Variants in C2CD4C observed in about 807,000 individuals in gnomAD.
C2CD4C encodes the protein C2 calcium-dependent domain-containing protein 4C.
Under a neutral mutation model 4.1 loss-of-function variants are expected in C2CD4C, and 3 were observed. The ratio of observed to expected loss-of-function variants is 0.73; its 90% CI spans 0.33 to 1.88. The LOEUF (loss-of-function observed/expected upper bound fraction) is 1.88. C2CD4C is among the 40% of genes most tolerant of loss of function. The probability of loss-of-function intolerance (pLI) is 0.08; values close to 1 mark genes in which losing one functional copy is unlikely to be tolerated. For synonymous variants in C2CD4C, 364 were observed against 290.4 expected, an observed-to-expected ratio of 1.25 and a Z score of -2.57; for missense variants, 664 against 621.5, an observed-to-expected ratio of 1.07 and a Z score of -0.73.
Position 406,985 on chromosome 19 carries a change from T to TACCCCCCCCCCCCCCCCCCCAACC in C2CD4C, c.*110_*111insGGTTGGGGGGGGGGGGGGGGGGGT. ...CCAGCCCAGCCTGAGTGTGAGCCCC[T>TACCCCCCCCCCCCCCCCCCCAACC]CCCCGGCCAGCCCCAGCCCAAGCCA... is the stretch of plus-strand genomic sequence containing the variant. On this transcript the variant is annotated 3_prime_UTR_variant, in exon 2 of 2. Coordinates refer to ENST00000332235, the MANE Select transcript of C2CD4C (RefSeq NM_001136263.2). 1 of 616,498 alleles carries TACCCCCCCCCCCCCCCCCCCAACC rather than the reference T, an allele frequency of 1.6e-6. No homozygotes were observed. 38.2% of individuals were successfully genotyped at this position (616,498 alleles called of 1,614,324 possible). A position where few individuals can be genotyped will look rare whatever the true frequency, so the allele number is the denominator to read the frequency against.
rs920539801 is a variant in C2CD4C at position 406,640 on chromosome 19, G to C, written c.*456C>G. 2 of 155,388 alleles carry C rather than the reference G, an allele frequency of 1.3e-5. No individual in the cohort carries two copies. The highest frequency in any genetic ancestry group is 2.4e-5 in the African/African-American group (1 of 41,522). 9.6% of individuals were successfully genotyped at this position (155,388 alleles called of 1,614,324 possible). Reference sequence around the variant, plus strand: ...TGGGAACTGGATGGCGGCAGGCTGTGGGGGAGGAAGACACACGTGCAGTGA... The same window carrying C: ...TGGGAACTGGATGGCGGCAGGCTGTCGGGGAGGAAGACACACGTGCAGTGA... On this transcript the variant is annotated 3_prime_UTR_variant, in exon 2 of 2. Transcript: ENST00000332235.
Position 405,951 on chromosome 19 carries a change from A to G in C2CD4C, c.*1145T>C, listed in dbSNP as rs1973977025. ...TCCTCCGTGCCCACCAGCAGCCGGG[A>G]GAGGCGAAGGCACTGGCCTGGCCTG... On this transcript the variant is annotated 3_prime_UTR_variant, in exon 2 of 2. Coordinates refer to ENST00000332235, the MANE Select transcript of C2CD4C (RefSeq NM_001136263.2). 1.3e-5 allele frequency: 2 copies of G among 152,062 alleles called. No homozygotes were observed. The highest frequency in any genetic ancestry group is 4.8e-5 in the African/African-American group (2 of 41,362). 9.4% of individuals were successfully genotyped at this position (152,062 alleles called of 1,614,324 possible).
chr19:408,268 C>G lies in C2CD4C; in HGVS notation c.94G>C (p.Ala32Pro). The G allele has an allele frequency of 6.6e-7, 1 of 1,510,146 alleles. No homozygotes were observed. Among genetic ancestry groups the G allele is most frequent in the African/African-American group, 1.4e-5 (1 of 70,440 alleles). 93.5% of individuals were successfully genotyped at this position (1,510,146 alleles called of 1,614,324 possible). A position where few individuals can be genotyped will look rare whatever the true frequency, so the allele number is the denominator to read the frequency against. ...RGVGSEAGDK[A>P]SKGPLYSNVL... ...TTGCTGTACAGGGGCCCCTTGGAGG[C>G]CTTGTCCCCCGCCTCACTCCCCACG... Residue 32 changes from alanine to proline, a missense_variant, in exon 2 of 2, where the codon GCC becomes CCC. Coordinates refer to ENST00000332235, the MANE Select transcript of C2CD4C (RefSeq NM_001136263.2).
In C2CD4C at chr19:408,252, AG is replaced by A; in HGVS notation, c.109del (p.Leu37CysfsTer6). 1 of 1,503,638 alleles carries A rather than the reference AG, an allele frequency of 6.7e-7. No individual in the cohort carries two copies. The highest frequency in any genetic ancestry group is 8.9e-7 in the Non-Finnish European group (1 of 1,128,918). 93.1% of individuals were successfully genotyped at this position (1,503,638 alleles called of 1,614,324 possible). A position where few individuals can be genotyped will look rare whatever the true frequency, so the allele number is the denominator to read the frequency against. On this transcript the variant is annotated frameshift_variant, in exon 2 of 2. Coordinates refer to ENST00000332235, the MANE Select transcript of C2CD4C (RefSeq NM_001136263.2). LOFTEE classifies it low-confidence loss of function (END_TRUNC). ...GTCGGGCGTCAACACATTGCTGTAC[AG>A]GGGCCCCTTGGAGGCCTTGTCCCCC... Reference protein sequence around the residue: ...EAGDKASKGPLYSNVLTPDKI... With the variant: ...EAGDKASKGPXYSNVLTPDKI...
At position 407,047 on chromosome 19, in the gene C2CD4C, AC is replaced by A; in HGVS notation, c.*48del. ...CGCCAGCACCCGGTGTGGAGGAGAG[AC>A]CGGGGTCTGCCCTCTGCACCCGAGC... is the stretch of plus-strand genomic sequence containing the variant. On this transcript the variant is annotated 3_prime_UTR_variant, in exon 2 of 2. Coordinates refer to ENST00000332235, the MANE Select transcript of C2CD4C (RefSeq NM_001136263.2). The A allele has an allele frequency of 6.9e-7, 1 of 1,440,006 alleles. No homozygotes were observed. The highest frequency in any genetic ancestry group is 9.2e-7 in the Non-Finnish European group (1 of 1,086,740). The allele number at this position is 1,440,006 out of a possible 1,614,324, so 89.2% of individuals were successfully genotyped here.
chr19:407,614 C>T lies in C2CD4C; in HGVS notation c.748G>A (p.Val250Met). ...CCCACGGAGTGCCGGAGCTGGCTCA[C>T]CTTGGCCTGGCTGTCCTGGGCGAAA... ...KGFAQDSQAK[V>M]SQLRHSVGRH... Residue 250 changes from valine to methionine, a missense_variant, in exon 2 of 2, where the codon GTG becomes ATG. Val to Met is a conservative substitution (Grantham distance 21). Coordinates refer to ENST00000332235, the MANE Select transcript of C2CD4C (RefSeq NM_001136263.2). The T allele has an allele frequency of 6.9e-7, 1 of 1,453,866 alleles. No homozygotes were observed. The highest frequency in any genetic ancestry group is 1.4e-5 in the South Asian group (1 of 70,150). The allele number at this position is 1,453,866 out of a possible 1,614,324, so 90.1% of individuals were successfully genotyped here. A position where few individuals can be genotyped will look rare whatever the true frequency, so the allele number is the denominator to read the frequency against.
Position 408,086 on chromosome 19 carries a change from C to G in C2CD4C, c.276G>C (p.Leu92=), listed in dbSNP as rs996460776. The part of the protein sequence containing the change: ...APRQTPRSPR[L]PAKLAAESKS... ...TGCTCTCGGCTGCCAGCTTGGCAGGCAGCCGGGGGCTCCGTGGGGTCTGGC... is the reference window on the plus strand; with the variant it reads ...TGCTCTCGGCTGCCAGCTTGGCAGGGAGCCGGGGGCTCCGTGGGGTCTGGC... The change falls in exon 2 of 2, where the codon CTG becomes CTC. Residue 92 remains leucine (L), a synonymous_variant. Transcript: ENST00000332235. 6.7e-7 allele frequency: 1 copy of G among 1,495,982 alleles called. No individual in the cohort carries two copies. Among genetic ancestry groups the G allele is most frequent in the Non-Finnish European group, 8.9e-7 (1 of 1,125,290 alleles). 92.7% of individuals were successfully genotyped at this position (1,495,982 alleles called of 1,614,324 possible).
At position 407,970 on chromosome 19, in the gene C2CD4C, TG is replaced by T; in HGVS notation, c.391del (p.Gln131ArgfsTer75). ...GGGCAGGGACATGGCACCCTGGGCC[TG>T]GGGGTCGGCGTCAGTGGCCTCCTCG... ...LSEEATDADP[Q>X]AQGAMSLPSV... On this transcript the variant is annotated frameshift_variant, in exon 2 of 2. Coordinates refer to ENST00000332235, the MANE Select transcript of C2CD4C (RefSeq NM_001136263.2). LOFTEE classifies it low-confidence loss of function (END_TRUNC). The T allele has an allele frequency of 1.3e-6, 2 of 1,549,120 alleles. No individual in the cohort carries two copies. Among genetic ancestry groups the T allele is most frequent in the Non-Finnish European group, 8.7e-7 (1 of 1,146,476 alleles).
chr19:408,522 C>T (rs1974037497), intron 1 of C2CD4C, 121 bp from the exon 2 acceptor site: 1 of 626,342 alleles, frequency 1.6e-6, no homozygotes, highest in Admixed American at 3.5e-5. Flanking sequence ...GAGGGGTCCC[C>T]TGGGGGCGTC....
rs1974021154 is a variant in C2CD4C at position 407,975 on chromosome 19, G to A, written c.387C>T (p.Asp129=). The A allele has an allele frequency of 1.9e-6, 3 of 1,549,150 alleles. No individual in the cohort carries two copies. Among genetic ancestry groups the A allele is most frequent in the Non-Finnish European group, 2.6e-6 (3 of 1,146,514 alleles). ...GGGACATGGCACCCTGGGCCTGGGGGTCGGCGTCAGTGGCCTCCTCGGACA... is the reference window on the plus strand; with the variant it reads ...GGGACATGGCACCCTGGGCCTGGGGATCGGCGTCAGTGGCCTCCTCGGACA... ...DWLSEEATDA[D]PQAQGAMSLP... The change falls in exon 2 of 2, where the codon GAC becomes GAT. Residue 129 remains aspartate, a synonymous_variant. Transcript: ENST00000332235.
At position 407,549 on chromosome 19, in the gene C2CD4C, G is replaced by A. The variant is rs1739886260; in HGVS notation, c.813C>T (p.Asp271=). 3.6e-6 allele frequency: 5 copies of A among 1,397,828 alleles called. No homozygotes were observed. The South Asian group carries it at 4.9e-5, about 14-fold the overall frequency. 86.6% of individuals were successfully genotyped at this position (1,397,828 alleles called of 1,614,324 possible). A position where few individuals can be genotyped will look rare whatever the true frequency, so the allele number is the denominator to read the frequency against. ...GSLSADDSTP[D]ASPGSRRRLT... is the part of the protein sequence containing the mutation. Reference sequence around the variant, plus strand: ...GGCGGCGCCGGCTCCCGGGGCTGGCGTCCGGGGTGCTGTCGTCCGCAGACA... The same window carrying A: ...GGCGGCGCCGGCTCCCGGGGCTGGCATCCGGGGTGCTGTCGTCCGCAGACA... Residue 271 remains aspartate, a synonymous_variant, in exon 2 of 2, where the codon GAC becomes GAT. Coordinates refer to ENST00000332235, the MANE Select transcript of C2CD4C (RefSeq NM_001136263.2).
chr19:407,882 C>T lies in C2CD4C; in HGVS notation c.480G>A (p.Arg160=). Residue 160 remains arginine, a synonymous_variant, in exon 2 of 2, where the codon AGG becomes AGA. Coordinates refer to ENST00000332235, the MANE Select transcript of C2CD4C (RefSeq NM_001136263.2). The part of the protein sequence containing the change: ...FAMLAESPHT[R]RKESLFHSEH... ...CACTGTGGAACAGAGACTCCTTGCGCCTCGTGTGGGGGCTCTCAGCCAGCA... is the reference window on the plus strand; with the variant it reads ...CACTGTGGAACAGAGACTCCTTGCGTCTCGTGTGGGGGCTCTCAGCCAGCA... 6.5e-7 allele frequency: 1 copy of T among 1,549,268 alleles called. No homozygotes were observed. Among genetic ancestry groups the T allele is most frequent in the East Asian group, 2.4e-5 (1 of 40,888 alleles).
chr19:406,983 C>CCAACCCCCCCCCCCCCCCCCCCAA lies in C2CD4C; in HGVS notation c.*112_*113insTTGGGGGGGGGGGGGGGGGGGTTG. On this transcript the variant is annotated 3_prime_UTR_variant, in exon 2 of 2. Transcript: ENST00000332235. ...GCCCAGCCCAGCCTGAGTGTGAGCC[C>CCAACCCCCCCCCCCCCCCCCCCAA]CTCCCCGGCCAGCCCCAGCCCAAGC... The CCAACCCCCCCCCCCCCCCCCCCAA allele has an allele frequency of 1.5e-6, 1 of 658,476 alleles. No individual in the cohort carries two copies. Among genetic ancestry groups the CCAACCCCCCCCCCCCCCCCCCCAA allele is most frequent in the Non-Finnish European group, 2.4e-6 (1 of 415,874 alleles). 40.8% of individuals were successfully genotyped at this position (658,476 alleles called of 1,614,324 possible).
In C2CD4C at chr19:407,551, C is replaced by G; in HGVS notation, c.811G>C (p.Asp271His). 1 of 1,400,156 alleles carries G rather than the reference C, an allele frequency of 7.1e-7. No homozygotes were observed. The highest frequency in any genetic ancestry group is 9.3e-7 in the Non-Finnish European group (1 of 1,077,936). The allele number at this position is 1,400,156 out of a possible 1,614,324, so 86.7% of individuals were successfully genotyped here. The change falls in exon 2 of 2, where the codon GAC becomes CAC. Residue 271 changes from aspartate to histidine, a missense_variant. Asp to His is a moderately conservative substitution (Grantham distance 81, BLOSUM62 -1). Coordinates refer to ENST00000332235, the MANE Select transcript of C2CD4C (RefSeq NM_001136263.2). The part of the protein sequence containing the change: ...GSLSADDSTP[D>H]ASPGSRRRLT... ...CGGCGCCGGCTCCCGGGGCTGGCGT[C>G]CGGGGTGCTGTCGTCCGCAGACAGG...
Position 407,420 on chromosome 19 carries a change from C to G in C2CD4C, c.942G>C (p.Glu314Asp). ...GPRGSVRLLA[E>D]YEAGQARLRV... ...GCAGGCGGGCCTGGCCGGCCTCGTA[C>G]TCGGCCAGCAGCCGCACGCTGCCCC... Residue 314 changes from glutamate to aspartate, a missense_variant, in exon 2 of 2, where the codon GAG (glutamate) becomes GAC (aspartate). Physicochemically the swap from Glu to Asp is conservative, Grantham distance 45. Transcript: ENST00000332235. 6.6e-7 allele frequency: 1 copy of G among 1,522,002 alleles called. No individual in the cohort carries two copies. The highest frequency in any genetic ancestry group is 8.8e-7 in the Non-Finnish European group (1 of 1,139,782). The allele number at this position is 1,522,002 out of a possible 1,614,324, so 94.3% of individuals were successfully genotyped here.
Position 407,552 on chromosome 19 carries a change from CG to C in C2CD4C, c.809del (p.Pro270ArgfsTer11). ...GGCGCCGGCTCCCGGGGCTGGCGTC[CG>C]GGGTGCTGTCGTCCGCAGACAGGGA... ...HGSLSADDSTPDASPGSRRRL... is the reference protein window; with the variant it reads ...HGSLSADDSTXDASPGSRRRL... On this transcript the variant is annotated frameshift_variant, in exon 2 of 2. Transcript: ENST00000332235. LOFTEE classifies it low-confidence loss of function (END_TRUNC). The C allele has an allele frequency of 7.1e-7, 1 of 1,399,860 alleles. No homozygotes were observed. The highest frequency in any genetic ancestry group is 1.6e-5 in the South Asian group (1 of 61,890). The allele number at this position is 1,399,860 out of a possible 1,614,324, so 86.7% of individuals were successfully genotyped here. A position where few individuals can be genotyped will look rare whatever the true frequency, so the allele number is the denominator to read the frequency against.
Position 408,067 on chromosome 19 carries a change from C to G in C2CD4C, c.295G>C (p.Glu99Gln), listed in dbSNP as rs1479255555. ...GCTGCCTTCAGCAGGCTCTTGCTCT[C>G]GGCTGCCAGCTTGGCAGGCAGCCGG... Reference protein sequence around the residue: ...SPRLPAKLAAESKSLLKAATR... With the variant: ...SPRLPAKLAAQSKSLLKAATR... The change falls in exon 2 of 2, where the codon GAG becomes CAG. Residue 99 changes from glutamate (E) to glutamine (Q), a missense_variant. Transcript: ENST00000332235. The G allele has an allele frequency of 1.3e-6, 2 of 1,512,158 alleles. No individual in the cohort carries two copies. The highest frequency in any genetic ancestry group is 2.5e-5 in the East Asian group (1 of 40,534). 93.7% of individuals were successfully genotyped at this position (1,512,158 alleles called of 1,614,324 possible). A position where few individuals can be genotyped will look rare whatever the true frequency, so the allele number is the denominator to read the frequency against.
rs1453185896 is a variant in C2CD4C at position 407,823 on chromosome 19, C to T, written c.539G>A (p.Gly180Glu). 1 of 1,542,448 alleles carries T rather than the reference C, an allele frequency of 6.5e-7. No individual in the cohort carries two copies. The highest frequency in any genetic ancestry group is 8.7e-7 in the Non-Finnish European group (1 of 1,143,348). The change falls in exon 2 of 2, where the codon GGG becomes GAG. Residue 180 changes from glycine (G) to glutamate (E), a missense_variant. Gly to Glu is a moderately conservative substitution (Grantham distance 98). Coordinates refer to ENST00000332235, the MANE Select transcript of C2CD4C (RefSeq NM_001136263.2). ...HGALAQVGSP[G>E]AGRRRAAAKA... ...GGCAGCTGCCCGGCGGCGCCCGGCC[C>T]CTGGGGAGCCCACCTGGGCCAGAGC...
In C2CD4C at chr19:407,699, C is replaced by T. The variant is rs957628655; in HGVS notation, c.663G>A (p.Ser221=). ...GGGACCCGAAGGGGGAGGACTCGGC[C>T]GAGGACCCTGTGTCGCTCTCCCCGC... The part of the protein sequence containing the change: ...FSGGESDTGS[S]AESSPFGSPL... The change falls in exon 2 of 2, where the codon TCG becomes TCA. Residue 221 remains serine, a synonymous_variant. Transcript: ENST00000332235. 6.8e-5 allele frequency: 104 copies of T among 1,533,792 alleles called. No homozygotes were observed. The East Asian group carries it at 1.7e-3, about 25-fold the overall frequency.
Sources: allele counts gnomAD v4.1 joint callset, GRCh38; gene constraint gnomAD v4.1.1; transcripts MANE v1.5; gene names NCBI Gene and HGNC (gene_info 2026-07-23, HGNC 2026-07-21).